The following TMEM135 variants were observed in gnomAD, a reference collection of about 807,000 sequenced individuals.
The protein encoded by TMEM135 is transmembrane protein 135, also known as peroxisomal membrane protein 52.
TMEM135 carries 30 observed loss-of-function variants against 60.3 expected under a neutral mutation model. The observed-to-expected ratio is 0.50, with a 90% CI of 0.37 to 0.68. TMEM135 has a LOEUF of 0.68. Among genes scored for constraint, TMEM135 ranks in the 30% least tolerant of loss-of-function variants. The pLI, the probability that TMEM135 is intolerant of heterozygous loss-of-function variation, is 0.00. For synonymous variants in TMEM135, 190 were observed against 186.7 expected (o/e 1.02, Z -0.14); for missense variants, 468 against 548.8 (o/e 0.85, Z 1.47).
intron 6 of TMEM135, among the ~76,000 whole-genome samples, chr11:87,264,678 C>A (rs1941717218): frequency 6.6e-6 from 1 of 151,826 alleles, no homozygotes; most frequent in Non-Finnish European, 1.5e-5. Context: ...TAGTTCCAGC[C>A]TTAAGCTCAC....
chr11:87,088,819 C>G (rs1857148859), intron 3 of TMEM135, among the ~76,000 whole-genome samples: 1 of 152,126 alleles, frequency 6.6e-6, no homozygotes, highest in Admixed American at 6.5e-5. Context: ...GACAAAATGT[C>G]CAGGGTAGCT....
At chr11:87,132,922 A>G (rs536713182) in intron 4 of TMEM135, among the ~76,000 whole-genome samples, 1 of 152,312 alleles carries the variant, frequency 6.6e-6, no homozygotes, top group Admixed American at 6.5e-5. Flanking sequence ...CGTTATAACA[A>G]TATGCCAGCA....
At chr11:87,099,893 A>C (rs1176560976) in intron 4 of TMEM135, among the ~76,000 whole-genome samples, 2 of 151,658 alleles carry the variant, frequency 1.3e-5, no homozygotes. Flanking sequence ...TTGTTGGTCA[A>C]GCTGGTCTCG....
rs1060182 is a variant in TMEM135, at chr11:87,322,972, C to T, written c.*1639C>T. The T allele has an allele frequency of 0.039, 17,740 of 454,292 alleles. 414 individuals are homozygous for T. The highest frequency in any genetic ancestry group is 0.052 in the Admixed American group (2,195 of 42,540). 28.1% of individuals were successfully genotyped at this position (454,292 alleles called of 1,614,324 possible). On this transcript the variant is annotated 3_prime_UTR_variant, in exon 15 of 15. Transcript: ENST00000305494. ...AACTTTTTATTCACTGGAATCAAAA[C>T]GATGGTTGGTACTGTGTTTACTGTT... is the stretch of plus-strand genomic sequence containing the variant.
rs1367202946 is a variant in TMEM135 at position 87,326,109 on chromosome 11, A to C, written c.*4776A>C. 1 of 451,714 alleles carries C rather than the reference A, an allele frequency of 2.2e-6. No homozygotes were observed. The highest frequency in any genetic ancestry group is 7.0e-5 in the East Asian group (1 of 14,326). 28.0% of individuals were successfully genotyped at this position (451,714 alleles called of 1,614,324 possible). A position where few individuals can be genotyped will look rare whatever the true frequency, so the allele number is the denominator to read the frequency against. ...TCAGTTTTTTTTTTTTTTAATATTC[A>C]GTTTTGTGCCATACTCTCCCCCACC... On this transcript the variant is annotated 3_prime_UTR_variant, in exon 15 of 15. Coordinates refer to ENST00000305494, the MANE Select transcript of TMEM135 (RefSeq NM_022918.4).
At chr11:87,223,947 G>A (rs897271419) in intron 5 of TMEM135, among the ~76,000 whole-genome samples, 3 of 152,174 alleles carry the variant, frequency 2.0e-5, no homozygotes, top group Non-Finnish European at 4.4e-5. Flanking sequence ...TATGAAAAGA[G>A]GAATTTGCAG....
chr11:87,105,619 A>C (rs115269060), intron 4 of TMEM135, among the ~76,000 whole-genome samples: 247 of 152,308 alleles, frequency 1.6e-3, no homozygotes, highest in African/African-American at 5.7e-3. Context: ...AAGTAAAAAC[A>C]CTTAAATGGA....
intron 4 of TMEM135, among the ~76,000 whole-genome samples, chr11:87,156,039 A>G (rs1336546032): frequency 6.6e-6 from 1 of 152,138 alleles, no homozygotes. Context: ...TTATAACTAT[A>G]TTTCTATTCA....
At chr11:87,087,606 G>A (rs1857123824) in intron 3 of TMEM135, among the ~76,000 whole-genome samples, 2 of 152,202 alleles carry the variant, frequency 1.3e-5, no homozygotes, top group Admixed American at 1.3e-4. Context: ...ATAGGACCGA[G>A]TTGTTTGCAG....
intron 6 of TMEM135, among the ~76,000 whole-genome samples, chr11:87,290,413 A>G (rs1190206428): frequency 6.6e-6 from 1 of 152,172 alleles, no homozygotes; most frequent in East Asian, 1.9e-4. Flanking sequence ...GTGTTTTTAG[A>G]GGAAAACCTA....
chr11:87,214,776 T>A (rs758474183), intron 5 of TMEM135, among the ~76,000 whole-genome samples: 44 of 152,156 alleles, frequency 2.9e-4, no homozygotes, highest in Non-Finnish European at 7.3e-5. Context: ...AACGACTGAT[T>A]AGTTACAAGA....
chr11:87,049,670 T>C (rs1357815343), intron 1 of TMEM135, among the ~76,000 whole-genome samples: 1 of 100,342 alleles, frequency 1.0e-5, no homozygotes, highest in Non-Finnish European at 2.0e-5. Context: ...ATAAAGCAAG[T>C]CCTGAGTGAC....
intron 4 of TMEM135, among the ~76,000 whole-genome samples, chr11:87,142,279 C>G (rs1481461797): frequency 1.3e-5 from 2 of 152,108 alleles, no homozygotes; most frequent in Admixed American, 1.3e-4. Context: ...CTGTGGAAAT[C>G]ATCTTCAGGA....
intron 6 of TMEM135, among the ~76,000 whole-genome samples, chr11:87,288,291 G>T (rs1748641671): frequency 6.6e-6 from 1 of 152,090 alleles, no homozygotes; most frequent in South Asian, 2.1e-4. Flanking sequence ...TTTCATACAG[G>T]TCTTTCTATA....
intron 6 of TMEM135, among the ~76,000 whole-genome samples, chr11:87,256,047 A>G (rs2135396389): frequency 6.6e-6 from 1 of 152,292 alleles, no homozygotes; most frequent in South Asian, 2.1e-4. Flanking sequence ...TGACCTCAAG[A>G]CCTGCCTATT....
chr11:87,076,079 A>G (rs1856865755), intron 3 of TMEM135, among the ~76,000 whole-genome samples: 2 of 152,194 alleles, frequency 1.3e-5, no homozygotes, highest in African/African-American at 4.8e-5. Flanking sequence ...CTAGGGCTCT[A>G]TAATCAACAG....
chr11:87,211,272 T>C (rs1170901184), intron 5 of TMEM135, among the ~76,000 whole-genome samples: 1 of 152,252 alleles, frequency 6.6e-6, no homozygotes, highest in Non-Finnish European at 1.5e-5. Flanking sequence ...TGTTATTTCA[T>C]ATGAATATCC....
At chr11:87,176,330 T>C (rs1038569420) in intron 5 of TMEM135, among the ~76,000 whole-genome samples, 1 of 152,128 alleles carries the variant, frequency 6.6e-6, no homozygotes, top group African/African-American at 2.4e-5. Context: ...CCTTCTGTCA[T>C]GAAGAGAAGC....
chr11:87,237,121 A>T (rs1201004659), intron 6 of TMEM135, among the ~76,000 whole-genome samples: 1 of 151,950 alleles, frequency 6.6e-6, no homozygotes, highest in Non-Finnish European at 1.5e-5. Flanking sequence ...CACATTAATG[A>T]TAGTCTGTAA....
Sources: gnomAD v4.1 joint callset for allele counts (sites outside exome capture counted in the v4.1 genomes callset) on GRCh38, gnomAD v4.1.1 for gene constraint, MANE v1.5 for transcripts, NCBI Gene and HGNC (gene_info 2026-07-23, HGNC 2026-07-21) for gene names.